Variants in GPR157 observed in about 807,000 individuals in gnomAD.
GPR157 encodes the protein G-protein coupled receptor 157.
GPR157 carries 16 observed loss-of-function variants against 23.5 expected under a neutral mutation model. The ratio of observed to expected loss-of-function variants is 0.68; its 90% confidence interval spans 0.46 to 1.04. The LOEUF (loss-of-function observed/expected upper bound fraction) is 1.04, where lower values mean the gene tolerates loss of function less well. Among genes scored for constraint, GPR157 ranks in the 50% least tolerant of loss-of-function variants. The pLI is 0.00. For missense variants in GPR157, 440 were observed against 460.7 expected (o/e 0.96, Z 0.41); for synonymous variants, 200 against 221.5 (o/e 0.90, Z 0.86).
chr1:9,111,042 G>A, intron 2 of GPR157: 1 of 588,700 alleles, frequency 1.7e-6, no homozygotes. Context: ...TATCTACAAA[G>A]GAGTAACAGG....
chr1:9,123,134 G>T (rs1638835430), intron 1 of GPR157, among the ~76,000 whole-genome samples: 2 of 141,178 alleles, frequency 1.4e-5, no homozygotes, highest in Admixed American at 1.5e-4. Flanking sequence ...CCCCAGCCTG[G>T]GCAACAAGAG....
rs746067528 is a variant in GPR157, at chr1:9,128,406, C to T, written c.383+239G>A. The T allele has an allele frequency of 2.9e-6, 2 of 694,906 alleles. No homozygotes were observed. Among genetic ancestry groups the T allele is most frequent in the South Asian group, 1.5e-5 (1 of 66,486 alleles). 43.0% of individuals were successfully genotyped at this position (694,906 alleles called of 1,614,324 possible). ...CCCGGCTCTGGGGGCGAACTCTGTC[C>T]CCACTACCCCAAGGGGCTGTGCCCT... On this transcript the variant is annotated intron_variant, in intron 1 of 3. Coordinates refer to ENST00000377411, the MANE Select transcript of GPR157 (RefSeq NM_024980.5). This position sits in a 1 kb window ranked among gnomAD's most constrained non-coding sequence, Gnocchi z 6.3.
In GPR157 at chr1:9,104,753, C is replaced by A. The variant is rs952309834; in HGVS notation, c.793-119G>T. On this transcript the variant is annotated intron_variant, in intron 3 of 3. Transcript: ENST00000377411. Reference sequence around the variant, plus strand: ...CGGTGGCTCACACCTGTAATCCCAGCCCTTTGGGAGGCTGAGGTGGGCGGA... The same window carrying A: ...CGGTGGCTCACACCTGTAATCCCAGACCTTTGGGAGGCTGAGGTGGGCGGA... 2.9e-5 allele frequency: 20 copies of A among 695,264 alleles called. No individual in the cohort carries two copies. In the African/African-American group the frequency reaches 3.6e-4, roughly 13 times the overall value. The allele number at this position is 695,264 out of a possible 1,614,324, so 43.1% of individuals were successfully genotyped here.
chr1:9,128,730 T>C lies in GPR157; in HGVS notation c.298A>G (p.Ile100Val). 6.2e-7 allele frequency: 1 copy of C among 1,613,274 alleles called. No homozygotes were observed. The highest frequency in any genetic ancestry group is 2.2e-5 in the East Asian group (1 of 44,858). The change falls in exon 1 of 4, where the codon ATT becomes GTT. Residue 100 changes from isoleucine (I) to valine (V), a missense_variant. Transcript: ENST00000377411. The surrounding 1 kb of genome is among the most constrained non-coding windows in gnomAD (Gnocchi z 6.3). ...ATGCTGAGGTACAAGTAGAGCGCAA[T>C]GGCCACGGTCCAGAAGAAGGAGCTG... ...NTSSFFWTVA[I>V]ALYLYLSIVR... is the part of the protein sequence containing the mutation.
chr1:9,123,778 A>ATATATTT (rs1638906528), intron 1 of GPR157, among the ~76,000 whole-genome samples: 6 of 128,366 alleles, frequency 4.7e-5, no homozygotes, highest in Non-Finnish European at 9.6e-5. Context: ...ATTTAATATT[A>ATATATTT]AATATATATT....
In GPR157 at chr1:9,128,001, G is replaced by A. The variant is rs1158118897; in HGVS notation, c.383+644C>T. Among the ~76,000 whole-genome samples, 1 of 152,152 alleles carries A rather than the reference G, an allele frequency of 6.6e-6. No homozygotes were observed. Among genetic ancestry groups the A allele is most frequent in the African/African-American group, 2.4e-5 (1 of 41,442 alleles). ...CAGAGAGACTCCAGGAGGACTCCGA[G>A]ACTCCCAGACCAGCCCTCCGCCCCT... is the stretch of plus-strand genomic sequence containing the variant. On this transcript the variant is annotated intron_variant, in intron 1 of 3. Coordinates refer to ENST00000377411, the MANE Select transcript of GPR157 (RefSeq NM_024980.5). This position sits in a 1 kb window ranked among gnomAD's most constrained non-coding sequence, Gnocchi z 6.3.
chr1:9,124,462 T>C (rs1638922569), intron 1 of GPR157, among the ~76,000 whole-genome samples: 1 of 152,140 alleles, frequency 6.6e-6, no homozygotes, highest in Non-Finnish European at 1.5e-5. Flanking sequence ...ATCACCAAGA[T>C]TCCTATCCCA....
At chr1:9,110,716 C>T (rs550697025) in intron 2 of GPR157, among the ~76,000 whole-genome samples, 12 of 152,196 alleles carry the variant, frequency 7.9e-5, no homozygotes, top group African/African-American at 2.2e-4. Flanking sequence ...GCCATTCTTT[C>T]GTAGGCTCTC....
intron 1 of GPR157, among the ~76,000 whole-genome samples, chr1:9,124,120 G>A (rs527301949): frequency 6.6e-6 from 1 of 152,190 alleles, no homozygotes; most frequent in East Asian, 1.9e-4. Flanking sequence ...GTGAGCCACT[G>A]TGCCCAACCT....
At chr1:9,119,315 G>C (rs1638753443) in intron 1 of GPR157, among the ~76,000 whole-genome samples, 2 of 152,222 alleles carry the variant, frequency 1.3e-5, no homozygotes, top group South Asian at 4.1e-4. Context: ...TTACAGACGT[G>C]AACCACAATG....
chr1:9,105,678 G>A lies in GPR157; in HGVS notation c.600C>T (p.His200=), dbSNP rs1474987308. The A allele has an allele frequency of 6.2e-7, 1 of 1,605,354 alleles. No homozygotes were observed. The highest frequency in any genetic ancestry group is 1.7e-5 in the Admixed American group (1 of 59,472). Residue 200 remains histidine (H), a splice_region_variant and synonymous_variant, in exon 3 of 4, where the codon CAC becomes CAT. Coordinates refer to ENST00000377411, the MANE Select transcript of GPR157 (RefSeq NM_024980.5). This position sits in a 1 kb window ranked among gnomAD's most constrained non-coding sequence, Gnocchi z 4.8. ...LLVRKHINRA[H]TALSEYRPIL... Reference sequence around the variant, plus strand: ...TGGGCCGGTACTCAGAGAGTGCCGTGTGCTGTGTGGGGACAGCGAGGGCAG... The same window carrying A: ...TGGGCCGGTACTCAGAGAGTGCCGTATGCTGTGTGGGGACAGCGAGGGCAG...
At chr1:9,107,847 GAA>G (rs1190970456) in intron 2 of GPR157, among the ~76,000 whole-genome samples, 2 of 152,140 alleles carry the variant, frequency 1.3e-5, no homozygotes, top group East Asian at 3.9e-4. Flanking sequence ...AGAATTGCTT[GAA>G]CCCGGGAGGC....
intron 1 of GPR157, among the ~76,000 whole-genome samples, chr1:9,123,335 T>A (rs188633195): frequency 0.081 from 1,913 of 23,626 alleles, 191 homozygotes; most frequent in African/African-American, 0.15. Context: ...ATATATTTAA[T>A]TTAAATATAT....
In GPR157 at chr1:9,105,858, C is replaced by G. The variant is rs1470934600; in HGVS notation, c.598-178G>C. 3.3e-5 allele frequency among the ~76,000 whole-genome samples: 5 copies of G among 152,122 alleles called. No homozygotes were observed. The highest frequency in any genetic ancestry group is 5.9e-5 in the Non-Finnish European group (4 of 68,020). ...GCTAGATCCTCTGCCCAGTCCCCACCTCCACATGGAGGTCTCAAAGTCATC... is the reference window on the plus strand; with the variant it reads ...GCTAGATCCTCTGCCCAGTCCCCACGTCCACATGGAGGTCTCAAAGTCATC... On this transcript the variant is annotated intron_variant, in intron 2 of 3. Transcript: ENST00000377411. This position sits in a 1 kb window ranked among gnomAD's most constrained non-coding sequence, Gnocchi z 4.8.
intron 1 of GPR157, among the ~76,000 whole-genome samples, chr1:9,123,716 T>TA: frequency 9.8e-6 from 1 of 102,352 alleles, no homozygotes; most frequent in Non-Finnish European, 1.9e-5. Flanking sequence ...AAATATGTAT[T>TA]TATATATAAT....
In GPR157 at chr1:9,105,034, AACACACACACACAC is replaced by A. The variant is rs199973020; in HGVS notation, c.793-414_793-401del. Reference sequence around the variant, plus strand: ...CCCCAAAAAAGAGAAATGGCTGAGAAACACACACACACACACACACACACACACACACACATGCA... The same window carrying A: ...CCCCAAAAAAGAGAAATGGCTGAGAAACACACACACACACACACACATGCA... On this transcript the variant is annotated intron_variant, in intron 3 of 3. Transcript: ENST00000377411. This position sits in a 1 kb window ranked among gnomAD's most constrained non-coding sequence, Gnocchi z 4.8. Among the ~76,000 whole-genome samples the A allele has an allele frequency of 4.3e-5, 5 of 116,966 alleles. 1 individual carries two copies. The highest frequency in any genetic ancestry group is 6.2e-4 in the South Asian group (2 of 3,228). The allele number at this position is 116,966 out of a possible 152,430, so 76.7% of individuals were successfully genotyped here.
At chr1:9,109,987 CAGAG>C (rs1394835955) in intron 2 of GPR157, among the ~76,000 whole-genome samples, 1 of 152,058 alleles carries the variant, frequency 6.6e-6, no homozygotes, top group Non-Finnish European at 1.5e-5. Context: ...CCTGAAAACT[CAGAG>C]GGCAAATAGA....
In GPR157 at chr1:9,122,438, G is replaced by A. The variant is rs148136858; in HGVS notation, c.383+6207C>T. Among the ~76,000 whole-genome samples, 8 of 152,244 alleles carry A rather than the reference G, an allele frequency of 5.3e-5. No homozygotes were observed. The East Asian group carries it at 7.7e-4, about 15-fold the overall frequency. ...AAAGCTGGAGACGTGATAGGCTTTC[G>A]AGCCACCGTTGTCTCTCAGCAAGAC... On this transcript the variant is annotated intron_variant, in intron 1 of 3. Coordinates refer to ENST00000377411, the MANE Select transcript of GPR157 (RefSeq NM_024980.5).
At chr1:9,110,383 C>T (rs1018773874) in intron 2 of GPR157, among the ~76,000 whole-genome samples, 2 of 152,066 alleles carry the variant, frequency 1.3e-5, no homozygotes, top group Admixed American at 6.6e-5. Flanking sequence ...ATTAGCTGGG[C>T]GTGGCGGCAC....
Sources: gnomAD v4.1 joint callset for allele counts (sites outside exome capture counted in the v4.1 genomes callset) on GRCh38, gnomAD v4.1.1 for gene constraint, Gnocchi (gnomAD v3.1) non-coding constraint, MANE v1.5 for transcripts, NCBI Gene and HGNC (gene_info 2026-07-23, HGNC 2026-07-21) for gene names.